Variants in BBS9 observed in about 807,000 individuals in gnomAD.
The protein encoded by BBS9 is Bardet-Biedl syndrome 9.
BBS9 carries 89 observed loss-of-function variants against 117.7 expected under a neutral mutation model. The observed-to-expected ratio is 0.76, with a 90% CI of 0.64 to 0.90. The LOEUF (loss-of-function observed/expected upper bound fraction) is 0.90. Ranked by LOEUF, BBS9 falls within the 40% of genes least tolerant of loss-of-function variation. The pLI, the probability that BBS9 is intolerant of heterozygous loss-of-function variation, is 0.00. For synonymous variants in BBS9, 379 were observed against 370.9 expected, an observed-to-expected ratio of 1.02 and a Z score of -0.25; for missense variants, 982 against 1,042.2, an observed-to-expected ratio of 0.94 and a Z score of 0.80.
intron 19 of BBS9, among the ~76,000 whole-genome samples, chr7:33,407,803 T>A (rs1262997752): frequency 1.3e-5 from 2 of 152,298 alleles, no homozygotes; most frequent in Admixed American, 1.3e-4. Flanking sequence ...AAGTTTTGTC[T>A]CAGAGGAGTA....
chr7:33,404,218 C>G (rs975286260), intron 19 of BBS9, among the ~76,000 whole-genome samples: 49 of 152,012 alleles, frequency 3.2e-4, no homozygotes, highest in African/African-American at 1.1e-3. Context: ...TGTTTTGGTA[C>G]CAGTACCATG....
chr7:33,274,101 A>C (rs1279232692), intron 9 of BBS9, 145 bp downstream of exon 9: 2 of 869,384 alleles, frequency 2.3e-6, no homozygotes, highest in Non-Finnish European at 3.5e-6. Context: ...AGTAATTTAA[A>C]ATATAACTTT....
rs139402993 is a variant in BBS9, at chr7:33,632,024, T to C, written c.2522-3153T>C. Among the ~76,000 whole-genome samples the C allele has an allele frequency of 1.7e-3, 266 of 152,248 alleles. 1 individual carries two copies. The highest frequency in any genetic ancestry group is 6.0e-3 in the African/African-American group (248 of 41,532). On this transcript the variant is annotated intron_variant, in intron 21 of 21. Coordinates refer to the BBS9 transcript ENST00000671952. ...ATTTCGTGTTGAGGGAAAGGAGAGA[T>C]TTGCCTACAAATTAGGCTGGAAACC...
At chr7:33,147,451 C>G (rs1164029767) in intron 2 of BBS9, among the ~76,000 whole-genome samples, 2 of 152,088 alleles carry the variant, frequency 1.3e-5, no homozygotes, top group Non-Finnish European at 1.5e-5. Context: ...AGTGGGAGTA[C>G]TAAACTGCAC....
intron 21 of BBS9, among the ~76,000 whole-genome samples, chr7:33,624,543 C>T (rs1865552521): frequency 6.6e-6 from 1 of 152,200 alleles, no homozygotes; most frequent in African/African-American, 2.4e-5. Flanking sequence ...TTTAAATTCA[C>T]CACCAGCTTG....
At chr7:33,357,140 G>A (rs10486529) in intron 15 of BBS9, among the ~76,000 whole-genome samples, 26,897 of 151,546 alleles carry the variant, frequency 0.18, 2,534 homozygotes, top group South Asian at 0.21. Context: ...CTTCATTGTC[G>A]TATATTCAGC....
chr7:33,393,430 T>C (rs1217323506), intron 19 of BBS9, among the ~76,000 whole-genome samples: 2 of 152,218 alleles, frequency 1.3e-5, no homozygotes. Context: ...ATAGTAGCCA[T>C]ACTGGATTTC....
Position 33,256,002 on chromosome 7 carries a change from C to T in BBS9, c.443-1234C>T, listed in dbSNP as rs140455199. The stretch of plus-strand genomic sequence containing the variant: ...TGAAACCCTGTCTCTACTAAAAGTA[C>T]AAAAATTAGCTGGGCGTGGTGGTGC... On this transcript the variant is annotated intron_variant, in intron 5 of 22. Coordinates refer to ENST00000242067, the MANE Select transcript of BBS9 (RefSeq NM_198428.3). Among the ~76,000 whole-genome samples the T allele has an allele frequency of 4.4e-3, 661 of 151,686 alleles. 5 individuals carry two copies. Among genetic ancestry groups the T allele is most frequent in the African/African-American group, 0.015 (620 of 41,308 alleles).
At chr7:33,520,056 T>G (rs953122362) in intron 20 of BBS9, among the ~76,000 whole-genome samples, 5 of 151,430 alleles carry the variant, frequency 3.3e-5, no homozygotes, top group Admixed American at 3.3e-4. Context: ...TTGCCCAGGC[T>G]AGAGTGCAGT....
At chr7:33,269,475 C>T (rs1438111061) in intron 7 of BBS9, among the ~76,000 whole-genome samples, 1 of 152,154 alleles carries the variant, frequency 6.6e-6, no homozygotes, top group Non-Finnish European at 1.5e-5. Flanking sequence ...AGACAAGACC[C>T]TTGGCTCCAA....
At chr7:33,469,122 G>T (rs1840620628) in intron 19 of BBS9, among the ~76,000 whole-genome samples, 1 of 151,914 alleles carries the variant, frequency 6.6e-6, no homozygotes, top group South Asian at 2.1e-4. Flanking sequence ...TGTCAGACTG[G>T]TCATCACCCC....
chr7:33,392,816 G>A (rs1827283294), intron 19 of BBS9, among the ~76,000 whole-genome samples: 1 of 152,050 alleles, frequency 6.6e-6, no homozygotes, highest in Non-Finnish European at 1.5e-5. Context: ...TGTAGTCTAT[G>A]GACTCTGAAG....
At chr7:33,293,626 G>C (rs1408520558) in intron 9 of BBS9, among the ~76,000 whole-genome samples, 2 of 152,072 alleles carry the variant, frequency 1.3e-5, no homozygotes, top group Non-Finnish European at 2.9e-5. Flanking sequence ...ACCAAGTGCA[G>C]TATGCTATTA....
chr7:33,512,700 G>T (rs1263612188), intron 20 of BBS9, among the ~76,000 whole-genome samples: 2 of 152,192 alleles, frequency 1.3e-5, no homozygotes, highest in Admixed American at 6.5e-5. Context: ...ACAGTACATT[G>T]TTTTAGAAAC....
chr7:33,239,260 G>A (rs1041348927), intron 5 of BBS9, among the ~76,000 whole-genome samples: 1 of 151,988 alleles, frequency 6.6e-6, no homozygotes, highest in Non-Finnish European at 1.5e-5. Context: ...CTACGACTAC[G>A]CTAAGGATTT....
chr7:33,149,736 G>T (rs1304198853), intron 2 of BBS9, among the ~76,000 whole-genome samples: 1 of 152,192 alleles, frequency 6.6e-6, no homozygotes, highest in African/African-American at 2.4e-5. Flanking sequence ...TTTAATTGTA[G>T]CTTGAAATCT....
chr7:33,471,535 G>A (rs1047765659), intron 19 of BBS9, among the ~76,000 whole-genome samples: 3 of 152,152 alleles, frequency 2.0e-5, no homozygotes, highest in Non-Finnish European at 2.9e-5. Flanking sequence ...CTAGAAGGGA[G>A]CTTAGAAATG....
chr7:33,339,096 G>T lies in BBS9; in HGVS notation c.1199-1801G>T, dbSNP rs181339947. Among the ~76,000 whole-genome samples the T allele has an allele frequency of 4.1e-4, 63 of 152,228 alleles. 1 individual carries two copies. Among genetic ancestry groups the T allele is most frequent in the African/African-American group, 1.4e-3 (60 of 41,548 alleles). ...CACAAGATACCCAAATAAGATAGAG[G>T]TTTCTTTCTTTCTCTTGCAAAAGAA... On this transcript the variant is annotated intron_variant, in intron 10 of 22. Transcript: ENST00000242067.
intron 1 of BBS9, among the ~76,000 whole-genome samples, chr7:33,144,465 G>A (rs1792022649): frequency 6.6e-6 from 1 of 152,220 alleles, no homozygotes; most frequent in Non-Finnish European, 1.5e-5. Flanking sequence ...GTGCAAAGGA[G>A]TAAAAATTGA....
Sources: allele counts gnomAD v4.1 joint callset (sites outside exome capture counted in the v4.1 genomes callset), GRCh38; gene constraint gnomAD v4.1.1; transcripts MANE v1.5; gene names NCBI Gene and HGNC (gene_info 2026-07-23, HGNC 2026-07-21).